GRIA1: variants seen among roughly 807,000 people sequenced by gnomAD.
GRIA1 encodes the protein glutamate receptor 1.
A neutral mutation model predicts 99.2 loss-of-function variants in GRIA1; 31 were observed. The ratio of observed to expected loss-of-function variants is 0.31; its 90% CI spans 0.23 to 0.42. The LOEUF is 0.42. Among genes scored for constraint, GRIA1 ranks in the 10% least tolerant of loss-of-function variants. The pLI is 1.00. For synonymous variants in GRIA1, 438 were observed against 432.4 expected, an observed-to-expected ratio of 1.01 and a Z score of -0.16; for missense variants, 782 against 1,157.5, an observed-to-expected ratio of 0.68 and a Z score of 4.71.
At chr5:153,768,664 C>T (rs541706740) in intron 12 of GRIA1, among the ~76,000 whole-genome samples, 2 of 152,220 alleles carry the variant, frequency 1.3e-5, no homozygotes, top group East Asian at 3.9e-4. Flanking sequence ...ATCTTACCAA[C>T]AGTTGACGTG....
Position 153,745,603 on chromosome 5 carries a change from A to G in GRIA1, c.1824-18831A>G, listed in dbSNP as rs1038271704. 1.6e-3 allele frequency among the ~76,000 whole-genome samples: 246 copies of G among 151,130 alleles called. 3 individuals carry two copies. The highest frequency in any genetic ancestry group is 5.7e-3 in the African/African-American group (237 of 41,236). Reference sequence around the variant, plus strand: ...AAACTCTGTCTCAAAAAAAAAAAAAAAAAAAAAAAGAAAAGAAAAAGAAAT... The same window carrying G: ...AAACTCTGTCTCAAAAAAAAAAAAAGAAAAAAAAAGAAAAGAAAAAGAAAT... On this transcript the variant is annotated intron_variant, in intron 11 of 15. Transcript: ENST00000285900.
intron 2 of GRIA1, among the ~76,000 whole-genome samples, chr5:153,535,917 G>C (rs1758525686): frequency 6.6e-6 from 1 of 152,204 alleles, no homozygotes; most frequent in African/African-American, 2.4e-5. Context: ...AATGGTGGCA[G>C]GAAATACCGA....
chr5:153,804,748 T>A lies in GRIA1; in HGVS notation c.2520+2258T>A, dbSNP rs200224243. On this transcript the variant is annotated intron_variant, in intron 15 of 15. Transcript: ENST00000285900. ...TAATTAATTAATTTATTTATTTATT[T>A]ATTTATTTATTTATTTATTTTGAGA... Among the ~76,000 whole-genome samples the A allele has an allele frequency of 2.1e-4, 26 of 125,240 alleles. No individual in the cohort carries two copies. The South Asian group carries it at 5.5e-3, about 26-fold the overall frequency. 82.2% of individuals were successfully genotyped at this position (125,240 alleles called of 152,430 possible).
intron 2 of GRIA1, among the ~76,000 whole-genome samples, chr5:153,548,042 T>A (rs575278453): frequency 2.0e-4 from 31 of 152,288 alleles, no homozygotes; most frequent in East Asian, 1.5e-3. Flanking sequence ...ATAAAAAAAA[T>A]TTTTGTTGAA....
At chr5:153,511,184 T>C (rs1276975284) in intron 2 of GRIA1, among the ~76,000 whole-genome samples, 2 of 152,144 alleles carry the variant, frequency 1.3e-5, no homozygotes, top group Admixed American at 1.3e-4. Flanking sequence ...AAAAGGGATT[T>C]TATTACTTGC....
At chr5:153,731,716 C>T (rs537103016) in intron 11 of GRIA1, among the ~76,000 whole-genome samples, 35 of 151,948 alleles carry the variant, frequency 2.3e-4, no homozygotes, top group Non-Finnish European at 4.7e-4. Flanking sequence ...TTAACATTTC[C>T]GTCATTTTAC....
At chr5:153,732,283 T>C (rs368054504) in intron 11 of GRIA1, among the ~76,000 whole-genome samples, 1 of 152,214 alleles carries the variant, frequency 6.6e-6, no homozygotes, top group East Asian at 1.9e-4. Context: ...TATTTTTACT[T>C]TTTTGAGGGC....
At chr5:153,783,311 C>T (rs1764759168) in intron 13 of GRIA1, among the ~76,000 whole-genome samples, 1 of 152,138 alleles carries the variant, frequency 6.6e-6, no homozygotes, top group Admixed American at 6.5e-5. Context: ...GACCTTCATT[C>T]ATTCCCTCTG....
At position 153,650,456 on chromosome 5, in the gene GRIA1, A is replaced by G. The variant is rs1754476034; in HGVS notation, c.587A>G (p.Lys196Arg). Residue 196 changes from lysine to arginine, a missense_variant, in exon 4 of 16, where the codon AAG (lysine) becomes AGG (arginine). By Grantham distance (26) the Lys-to-Arg change is conservative. Coordinates refer to ENST00000285900, the MANE Select transcript of GRIA1 (RefSeq NM_000827.4). Reference sequence around the variant, plus strand: ...CTCTTTCAGGACCTGGAGAAGAAAAAGGAGCGGCTGGTGGTGGTGGACTGT... The same window carrying G: ...CTCTTTCAGGACCTGGAGAAGAAAAGGGAGCGGCTGGTGGTGGTGGACTGT... Reference protein sequence around the residue: ...RMLFQDLEKKKERLVVVDCES... With the variant: ...RMLFQDLEKKRERLVVVDCES... 8 of 1,613,974 alleles carry G rather than the reference A, an allele frequency of 5.0e-6. No individual in the cohort carries two copies. Among genetic ancestry groups the G allele is most frequent in the Non-Finnish European group, 6.8e-6 (8 of 1,179,926 alleles).
chr5:153,630,129 C>T (rs1752832356), intron 2 of GRIA1, among the ~76,000 whole-genome samples: 1 of 152,150 alleles, frequency 6.6e-6, no homozygotes, highest in Admixed American at 6.5e-5. Flanking sequence ...AAAGTACACC[C>T]TCTTAAGCTG....
chr5:153,716,786 G>T (rs150033320), intron 11 of GRIA1, among the ~76,000 whole-genome samples: 2 of 152,312 alleles, frequency 1.3e-5, no homozygotes, highest in East Asian at 1.9e-4. Flanking sequence ...AGAAAATGAG[G>T]AAATAGAGTC....
Position 153,705,984 on chromosome 5 carries a change from C to T in GRIA1, c.1740C>T (p.Asp580=). 1 of 1,613,942 alleles carries T rather than the reference C, an allele frequency of 6.2e-7. No homozygotes were observed. Among genetic ancestry groups the T allele is most frequent in the South Asian group, 1.1e-5 (1 of 91,066 alleles). The part of the protein sequence containing the change: ...FEEGRDQTTS[D]QSNEFGIFNS... ...AAGGACGGGACCAGACAACCAGTGA[C>T]CAGTCCAATGAGTTTGGGATATTCA... The change falls in exon 11 of 16, where the codon GAC becomes GAT. Residue 580 remains aspartate, a synonymous_variant. Transcript: ENST00000285900.
chr5:153,741,143 A>AT (rs1289971957), intron 11 of GRIA1, among the ~76,000 whole-genome samples: 4 of 151,642 alleles, frequency 2.6e-5, no homozygotes, highest in African/African-American at 9.7e-5. Context: ...CTCCTGGCTA[A>AT]TTTTTTGTAT....
chr5:153,570,133 TTC>T (rs1761986168), intron 2 of GRIA1, among the ~76,000 whole-genome samples: 1 of 152,188 alleles, frequency 6.6e-6, no homozygotes, highest in African/African-American at 2.4e-5. Flanking sequence ...GGCAAATATT[TTC>T]TGTTTCTGTT....
At position 153,707,584 on chromosome 5, in the gene GRIA1, G is replaced by A. The variant is rs150567895; in HGVS notation, c.1823+1517G>A. ...CATGGCTCAGAATTTGGCCTCCATG[G>A]ACAGATCTGGAGGCATAAGTGCATA... is the stretch of plus-strand genomic sequence containing the variant. On this transcript the variant is annotated intron_variant, in intron 11 of 15. Coordinates refer to ENST00000285900, the MANE Select transcript of GRIA1 (RefSeq NM_000827.4). 5.8e-4 allele frequency among the ~76,000 whole-genome samples: 89 copies of A among 152,236 alleles called. 1 individual carries two copies. The highest frequency in any genetic ancestry group is 2.1e-3 in the African/African-American group (88 of 41,544).
At chr5:153,622,747 G>T (rs530242370) in intron 2 of GRIA1, among the ~76,000 whole-genome samples, 61 of 152,102 alleles carry the variant, frequency 4.0e-4, no homozygotes, top group African/African-American at 1.4e-3. Context: ...CTTTTTTCAG[G>T]TAGTTACTCC....
At chr5:153,525,568 G>A (rs1757519882) in intron 2 of GRIA1, 1 of 151,406 alleles carries the variant, frequency 6.6e-6, no homozygotes, top group African/African-American at 2.4e-5. Context: ...GCCAAGTGCT[G>A]GGCACTGGTT....
At position 153,502,617 on chromosome 5, in the gene GRIA1, G is replaced by T. The variant is rs182617227; in HGVS notation, c.220+8552G>T. On this transcript the variant is annotated intron_variant, in intron 2 of 15. Transcript: ENST00000285900. Reference sequence around the variant, plus strand: ...TGCCATTGATGTATGAGCCTTGTATGCATCTTACGACTTTGGTGTGTCCCA... The same window carrying T: ...TGCCATTGATGTATGAGCCTTGTATTCATCTTACGACTTTGGTGTGTCCCA... Among the ~76,000 whole-genome samples, 100 of 152,292 alleles carry T rather than the reference G, an allele frequency of 6.6e-4. 1 individual carries two copies. The highest frequency in any genetic ancestry group is 5.0e-3 in the Admixed American group (76 of 15,300).
intron 11 of GRIA1, among the ~76,000 whole-genome samples, chr5:153,757,297 C>T (rs1206153595): frequency 6.6e-6 from 1 of 152,016 alleles, no homozygotes; most frequent in Non-Finnish European, 1.5e-5. Context: ...CTTATAGAAT[C>T]TATGGAATAG....
Sources: allele counts gnomAD v4.1 joint callset (sites outside exome capture counted in the v4.1 genomes callset), GRCh38; gene constraint gnomAD v4.1.1; transcripts MANE v1.5; gene names NCBI Gene and HGNC (gene_info 2026-07-23, HGNC 2026-07-21).